STON1: variants seen among roughly 807,000 people sequenced by gnomAD.
The protein encoded by STON1 is stonin 1.
A neutral mutation model predicts 60.9 loss-of-function variants in STON1; 79 were observed. The ratio of observed to expected loss-of-function variants is 1.30; its 90% CI spans 1.08 to 1.56. The LOEUF is 1.56. STON1 is among the 40% of genes most tolerant of loss of function. The probability of loss-of-function intolerance (pLI) is 0.00; values close to 1 mark genes in which losing one functional copy is unlikely to be tolerated. For synonymous variants in STON1, 363 were observed against 306.9 expected (o/e 1.18, Z -1.91); for missense variants, 1,166 against 858.9 (o/e 1.36, Z -4.47).
chr2:48,538,174 G>A (rs980396139), intron 1 of STON1, among the ~76,000 whole-genome samples: 1 of 152,044 alleles, frequency 6.6e-6, no homozygotes, highest in African/African-American at 2.4e-5. Flanking sequence ...AGCCAGGATG[G>A]TCTTGAACTC....
chr2:48,542,254 T>G (rs1671685403), intron 1 of STON1, among the ~76,000 whole-genome samples: 1 of 152,236 alleles, frequency 6.6e-6, no homozygotes, highest in Non-Finnish European at 1.5e-5. Context: ...ATTTTCCCCA[T>G]AGTCATTGGC....
chr2:48,552,211 T>C lies in STON1; in HGVS notation c.-48+21995T>C, dbSNP rs536764166. On this transcript the variant is annotated intron_variant, in intron 1 of 3. Transcript: ENST00000404752. ...ATGTAAGCTTCTGTATGGATGGGCC[T>C]TGAAGACATAATGCTATGTGAAATA... Among the ~76,000 whole-genome samples the C allele has an allele frequency of 4.6e-5, 7 of 152,366 alleles. No individual in the cohort carries two copies. In the South Asian group the frequency reaches 6.2e-4, roughly 14 times the overall value.
At chr2:48,533,316 A>C (rs1671289441) in intron 1 of STON1, among the ~76,000 whole-genome samples, 1 of 151,592 alleles carries the variant, frequency 6.6e-6, no homozygotes, top group Admixed American at 6.6e-5. Context: ...TGGGAGGCGG[A>C]GGTTGCAGTG....
At chr2:48,564,492 C>CTTCTTCTTTCTTCTTCT (rs1672799529) in intron 1 of STON1, among the ~76,000 whole-genome samples, 1 of 24,624 alleles carries the variant, frequency 4.1e-5, no homozygotes, top group African/African-American at 1.8e-4. Context: ...TCTTCTTCTT[C>CTTCTTCTTTCTTCTTCT]TTCTTCTTCT....
chr2:48,579,699 G>T (rs1673757765), intron 1 of STON1, among the ~76,000 whole-genome samples: 1 of 152,140 alleles, frequency 6.6e-6, no homozygotes, highest in South Asian at 2.1e-4. Flanking sequence ...CTGCTGTTAG[G>T]TGGAATGTTC....
Position 48,581,892 on chromosome 2 carries a change from T to C in STON1, c.1259T>C (p.Val420Ala), listed in dbSNP as rs142418858. The C allele has an allele frequency of 1.9e-6, 3 of 1,614,010 alleles. No individual in the cohort carries two copies. The change falls in exon 2 of 4, where the codon GTG becomes GCG. Residue 420 changes from valine (V) to alanine (A), a missense_variant. Transcript: ENST00000404752. ...YEEQEISLEI[V>A]DNFWGKVTKE... ...GAGCAAGAAATTTCCTTGGAAATTGTGGACAACTTTTGGGGTAAAGTCACA... is the reference window on the plus strand; with the variant it reads ...GAGCAAGAAATTTCCTTGGAAATTGCGGACAACTTTTGGGGTAAAGTCACA...
intron 1 of STON1, among the ~76,000 whole-genome samples, chr2:48,564,445 T>C (rs1461117104): frequency 1.1e-3 from 55 of 51,700 alleles, no homozygotes; most frequent in African/African-American, 3.8e-3. Flanking sequence ...TTCTTCTTCT[T>C]CTTCTTCTTC....
intron 1 of STON1, among the ~76,000 whole-genome samples, chr2:48,568,168 G>C (rs908520630): frequency 6.6e-6 from 1 of 152,156 alleles, no homozygotes; most frequent in Non-Finnish European, 1.5e-5. Flanking sequence ...CTACTGAGAG[G>C]TGTCGATGAT....
In STON1 at chr2:48,575,684, A is replaced by AAATG. The variant is rs1347744703; in HGVS notation, c.-47-4899_-47-4896dup. ...TAAATAAATAAATAAATAAATAAATAAATGAATTCTTTTGGATAAATACCC... is the reference window on the plus strand; with the variant it reads ...TAAATAAATAAATAAATAAATAAATAAATGAATGAATTCTTTTGGATAAATACCC... On this transcript the variant is annotated intron_variant, in intron 1 of 3. Coordinates refer to ENST00000404752, the MANE Select transcript of STON1 (RefSeq NM_006873.4). Among the ~76,000 whole-genome samples, 20 of 149,522 alleles carry AAATG rather than the reference A, an allele frequency of 1.3e-4. No individual in the cohort carries two copies. The East Asian group carries it at 2.0e-3, about 15-fold the overall frequency.
chr2:48,593,798 C>A (rs1572653975), intron 3 of STON1, among the ~76,000 whole-genome samples: 1 of 152,140 alleles, frequency 6.6e-6, no homozygotes. Flanking sequence ...TTATTTTGGA[C>A]TATCTGTTTA....
At position 48,581,843 on chromosome 2, in the gene STON1, T is replaced by G; in HGVS notation, c.1210T>G (p.Ser404Ala). 1 of 1,614,146 alleles carries G rather than the reference T, an allele frequency of 6.2e-7. No individual in the cohort carries two copies. Among genetic ancestry groups the G allele is most frequent in the Non-Finnish European group, 8.5e-7 (1 of 1,180,024 alleles). The change falls in exon 2 of 4, where the codon TCA becomes GCA. Residue 404 changes from serine to alanine, a missense_variant. By Grantham distance (99) the Ser-to-Ala change is moderately conservative (BLOSUM62 1). Transcript: ENST00000404752. The stretch of plus-strand genomic sequence containing the variant: ...GGAGCTGATGAAGTTGCCAGCTGTT[T>G]CAAAACCAAAAAAGAACTACGAGGA... The part of the protein sequence containing the change: ...EEELMKLPAV[S>A]KPKKNYEEQE...
Position 48,581,477 on chromosome 2 carries a change from A to G in STON1, c.844A>G (p.Ile282Val). Residue 282 changes from isoleucine to valine, a missense_variant, in exon 2 of 4, where the codon ATT (isoleucine) becomes GTT (valine). Ile to Val is a conservative substitution (Grantham distance 29). Coordinates refer to ENST00000404752, the MANE Select transcript of STON1 (RefSeq NM_006873.4). ...ATCCGGATGGTCTTTCATGCTGAGA[A>G]TTCCTGAGAAGAAGAATATGATGTC... is the stretch of plus-strand genomic sequence containing the variant. ...PKSGWSFMLRIPEKKNMMSSR... is the reference protein window; with the variant it reads ...PKSGWSFMLRVPEKKNMMSSR... 6 of 1,614,244 alleles carry G rather than the reference A, an allele frequency of 3.7e-6. No homozygotes were observed. Among genetic ancestry groups the G allele is most frequent in the Non-Finnish European group, 5.1e-6 (6 of 1,180,046 alleles).
intron 1 of STON1, among the ~76,000 whole-genome samples, chr2:48,532,582 C>T (rs1411400795): frequency 6.6e-6 from 1 of 152,160 alleles, no homozygotes; most frequent in East Asian, 1.9e-4. Context: ...ATTTAATATC[C>T]TGTAAGTCAA....
At chr2:48,548,871 A>T (rs534274795) in intron 1 of STON1, among the ~76,000 whole-genome samples, 1 of 152,148 alleles carries the variant, frequency 6.6e-6, no homozygotes, top group South Asian at 2.1e-4. Flanking sequence ...TTTACTGCAC[A>T]GTGTTTTTCT....
chr2:48,557,833 T>C (rs1236356750), intron 1 of STON1, among the ~76,000 whole-genome samples: 2 of 152,252 alleles, frequency 1.3e-5, no homozygotes, highest in Non-Finnish European at 2.9e-5. Context: ...TTAAATATTA[T>C]TTTTTGTGTG....
chr2:48,558,666 A>G (rs901215646), intron 1 of STON1, among the ~76,000 whole-genome samples: 2 of 152,204 alleles, frequency 1.3e-5, no homozygotes, highest in African/African-American at 4.8e-5. Flanking sequence ...ACTCAAATCA[A>G]CAGAAACATG....
rs1259312827 is a variant in STON1 at position 48,595,439 on chromosome 2, A to T, written c.*137A>T. 7 of 700,734 alleles carry T rather than the reference A, an allele frequency of 1.0e-5. No homozygotes were observed. In the African/African-American group the frequency reaches 1.3e-4, roughly 13 times the overall value. 43.4% of individuals were successfully genotyped at this position (700,734 alleles called of 1,614,324 possible). On this transcript the variant is annotated 3_prime_UTR_variant, in exon 4 of 4. Transcript: ENST00000404752. ...ACAGGTCTGATGGCTGTGTTTAGAGAAGTTTAGACCTAAAACCGAACAATC... is the reference window on the plus strand; with the variant it reads ...ACAGGTCTGATGGCTGTGTTTAGAGTAGTTTAGACCTAAAACCGAACAATC...
intron 1 of STON1, among the ~76,000 whole-genome samples, chr2:48,548,746 T>C (rs1290206618): frequency 1.3e-5 from 2 of 152,130 alleles, no homozygotes; most frequent in Admixed American, 6.5e-5. Flanking sequence ...GTGATCTGCC[T>C]GCCTCACCCT....
In STON1 at chr2:48,586,304, T is replaced by C. The variant is rs960179676; in HGVS notation, c.1930+3741T>C. 2.6e-5 allele frequency among the ~76,000 whole-genome samples: 4 copies of C among 152,206 alleles called. No individual in the cohort carries two copies. The South Asian group carries it at 6.2e-4, about 24-fold the overall frequency. On this transcript the variant is annotated intron_variant, in intron 2 of 3. Transcript: ENST00000404752. ...CTCCACAAACATCTACTAAAGTTCT[T>C]CTAGGTATAGGTTCTGTGCTGAGTG...
Sources: gnomAD v4.1 joint callset for allele counts (sites outside exome capture counted in the v4.1 genomes callset) on GRCh38, gnomAD v4.1.1 for gene constraint, MANE v1.5 for transcripts, NCBI Gene and HGNC (gene_info 2026-07-23, HGNC 2026-07-21) for gene names.